The following CDH19 variants were observed in gnomAD, a reference collection of about 807,000 sequenced individuals.
The protein encoded by CDH19 is cadherin 19.
CDH19 carries 67 observed loss-of-function variants against 64.2 expected under a neutral mutation model. The observed-to-expected ratio is 1.04, with a 90% CI of 0.86 to 1.28. The LOEUF (loss-of-function observed/expected upper bound fraction) is 1.28. CDH19 is among the 50% of genes most tolerant of loss of function. CDH19 has a pLI of 0.00. For missense variants in CDH19, 1,030 were observed against 929.0 expected (o/e 1.11, Z -1.41); for synonymous variants, 346 against 319.3 (o/e 1.08, Z -0.89).
At chr18:66,516,530 C>T (rs757084756) in intron 9 of CDH19, among the ~76,000 whole-genome samples, 2 of 151,972 alleles carry the variant, frequency 1.3e-5, no homozygotes, top group Non-Finnish European at 2.9e-5. Flanking sequence ...GTATGCTGAG[C>T]TCCAGAAGAT....
At chr18:66,532,107 C>T (rs1024366024) in intron 8 of CDH19, among the ~76,000 whole-genome samples, 2 of 152,030 alleles carry the variant, frequency 1.3e-5, no homozygotes, top group South Asian at 2.1e-4. Flanking sequence ...GCTGAAACTA[C>T]AGGCACATGC....
chr18:66,581,958 T>G (rs1988434080), intron 1 of CDH19, among the ~76,000 whole-genome samples: 1 of 152,138 alleles, frequency 6.6e-6, no homozygotes, highest in African/African-American at 2.4e-5. Flanking sequence ...TTCAGTAATT[T>G]TAAGTGACCT....
intron 7 of CDH19, among the ~76,000 whole-genome samples, chr18:66,538,323 T>G (rs1038553430): frequency 6.6e-6 from 1 of 152,094 alleles, no homozygotes; most frequent in Admixed American, 6.6e-5. Flanking sequence ...AAAGTCCTAT[T>G]TGATTTTTTT....
intron 1 of CDH19, among the ~76,000 whole-genome samples, chr18:66,586,858 T>C (rs1988594031): frequency 6.6e-6 from 1 of 152,156 alleles, no homozygotes; most frequent in Admixed American, 6.6e-5. Flanking sequence ...GAATATCTTT[T>C]GGAATGCGTA....
intron 11 of CDH19, among the ~76,000 whole-genome samples, chr18:66,508,524 GC>G (rs1985313082): frequency 6.6e-6 from 1 of 151,560 alleles, no homozygotes; most frequent in African/African-American, 2.4e-5. Context: ...AAAGCACAAA[GC>G]TTTTTGAGTT....
At chr18:66,536,346 G>A (rs1224998388) in intron 7 of CDH19, among the ~76,000 whole-genome samples, 1 of 151,610 alleles carries the variant, frequency 6.6e-6, no homozygotes, top group African/African-American at 2.4e-5. Context: ...TAAGCTTTAG[G>A]GGAGTTCAGT....
intron 11 of CDH19, among the ~76,000 whole-genome samples, chr18:66,508,659 C>T (rs896345709): frequency 2.0e-5 from 3 of 151,758 alleles, no homozygotes; most frequent in Non-Finnish European, 2.9e-5. Context: ...AATAAGCACT[C>T]GAGAGAAGCT....
intron 5 of CDH19, among the ~76,000 whole-genome samples, chr18:66,546,055 T>C (rs1282478807): frequency 6.6e-6 from 1 of 152,058 alleles, no homozygotes; most frequent in Non-Finnish European, 1.5e-5. Flanking sequence ...ATATATGACA[T>C]TACTCATGTC....
intron 10 of CDH19, among the ~76,000 whole-genome samples, 159 bp from the exon 11 acceptor site, chr18:66,509,405 C>T (rs1985361722): frequency 6.6e-6 from 1 of 151,828 alleles, no homozygotes; most frequent in Non-Finnish European, 1.5e-5. Context: ...AAAACATCCA[C>T]ACTAAATTAT....
intron 1 of CDH19, chr18:66,596,274 C>T (rs1471804030): frequency 6.6e-6 from 1 of 152,082 alleles, no homozygotes; most frequent in East Asian, 1.9e-4. Flanking sequence ...CTGACTCTCA[C>T]CACTCCTATT....
chr18:66,568,827 TC>T, intron 2 of CDH19, 117 bp from the exon 3 acceptor site: 1 of 820,048 alleles, frequency 1.2e-6, no homozygotes, highest in Non-Finnish European at 1.8e-6. Flanking sequence ...TTATATTATT[TC>T]CACATTACAT....
intron 1 of CDH19, among the ~76,000 whole-genome samples, chr18:66,582,873 G>A (rs1251632895): frequency 2.6e-5 from 4 of 152,226 alleles, no homozygotes; most frequent in Non-Finnish European, 5.9e-5. Context: ...CAGCATATGT[G>A]AAGTGGTAAG....
rs1568193469 is a variant in CDH19, at chr18:66,551,177, C to T, written c.692G>A (p.Gly231Asp). 6.2e-7 allele frequency: 1 copy of T among 1,602,428 alleles called. No individual in the cohort carries two copies. The highest frequency in any genetic ancestry group is 1.7e-5 in the Admixed American group (1 of 59,962). ...WVIIQAKDMI[G>D]QPGALSGTTS... The stretch of plus-strand genomic sequence containing the variant: ...TGTTCCAGACAACGCTCCTGGCTGA[C>T]CAATCATGTCCTTGGCTTGAATGAT... Residue 231 changes from glycine (G) to aspartate (D), a missense_variant, in exon 5 of 12, where the codon GGT becomes GAT. Gly to Asp is a moderately conservative substitution (Grantham distance 94, BLOSUM62 -1). Transcript: ENST00000262150.
chr18:66,565,421 G>A (rs962301870), intron 3 of CDH19, among the ~76,000 whole-genome samples: 48 of 151,822 alleles, frequency 3.2e-4, no homozygotes, highest in African/African-American at 1.1e-3. Context: ...TATAATAATA[G>A]GCAGTTCACT....
At chr18:66,545,757 G>A (rs1351868455) in intron 5 of CDH19, among the ~76,000 whole-genome samples, 1 of 152,210 alleles carries the variant, frequency 6.6e-6, no homozygotes, top group South Asian at 2.1e-4. Context: ...ACGATAGTTT[G>A]ATTTTGAGGG....
At chr18:66,525,327 G>A (rs1190913586) in intron 9 of CDH19, among the ~76,000 whole-genome samples, 1 of 152,020 alleles carries the variant, frequency 6.6e-6, no homozygotes, top group Admixed American at 6.6e-5. Context: ...AGTTACATGA[G>A]CTATGCCTTA....
intron 9 of CDH19, among the ~76,000 whole-genome samples, chr18:66,527,298 T>C (rs1014637476): frequency 6.6e-6 from 1 of 152,036 alleles, no homozygotes; most frequent in Non-Finnish European, 1.5e-5. Context: ...AAATTGTTTT[T>C]CCAGGTTGCA....
At chr18:66,563,370 T>C (rs1987792729) in intron 3 of CDH19, among the ~76,000 whole-genome samples, 1 of 152,078 alleles carries the variant, frequency 6.6e-6, no homozygotes. Flanking sequence ...ACAATGTAGA[T>C]ATAAATTTAA....
intron 1 of CDH19, among the ~76,000 whole-genome samples, chr18:66,575,353 C>G (rs974175828): frequency 6.6e-6 from 1 of 151,810 alleles, no homozygotes; most frequent in Non-Finnish European, 1.5e-5. Flanking sequence ...GGAGAAAGAC[C>G]TCTGCCCAAG....
Sources: allele counts gnomAD v4.1 joint callset (sites outside exome capture counted in the v4.1 genomes callset), GRCh38; gene constraint gnomAD v4.1.1; transcripts MANE v1.5; gene names NCBI Gene and HGNC (gene_info 2026-07-23, HGNC 2026-07-21).